ZCCHC14: variants seen among roughly 807,000 people sequenced by gnomAD.
The protein encoded by ZCCHC14 is zinc finger CCHC domain-containing protein 14.
Under a neutral mutation model 85.0 loss-of-function variants are expected in ZCCHC14, and 16 were observed. That is an observed-to-expected ratio of 0.19 (90% CI 0.13 to 0.29). ZCCHC14 has a LOEUF of 0.29. Among genes scored for constraint, ZCCHC14 ranks in the 10% least tolerant of loss-of-function variants. ZCCHC14 has a pLI of 1.00. For missense variants in ZCCHC14, 1,303 were observed against 1,443.5 expected (o/e 0.90, Z 1.58); for synonymous variants, 775 against 630.7 (o/e 1.23, Z -3.43).
chr16:87,486,458 C>A (rs1175337341), intron 1 of ZCCHC14, among the ~76,000 whole-genome samples: 1 of 152,184 alleles, frequency 6.6e-6, no homozygotes, highest in African/African-American at 2.4e-5. Flanking sequence ...ACAATGTGGC[C>A]CAGAGGTGTA....
intron 1 of ZCCHC14, among the ~76,000 whole-genome samples, chr16:87,475,425 C>T (rs559651011): frequency 2.4e-4 from 37 of 151,842 alleles, no homozygotes; most frequent in African/African-American, 7.2e-4. Flanking sequence ...TGGTGGTGGG[C>T]GCCTGTAATC....
chr16:87,424,929 A>C (rs542415486), intron 3 of ZCCHC14, among the ~76,000 whole-genome samples: 3 of 152,104 alleles, frequency 2.0e-5, no homozygotes, highest in Non-Finnish European at 4.4e-5. Context: ...CATTATGCAA[A>C]AGAAAACGCT....
At chr16:87,464,718 A>G (rs1567536257) in intron 1 of ZCCHC14, among the ~76,000 whole-genome samples, 1 of 152,186 alleles carries the variant, frequency 6.6e-6, no homozygotes, top group African/African-American at 2.4e-5. Flanking sequence ...CACTTTTTCC[A>G]ACCAAGCCTT....
intron 1 of ZCCHC14, among the ~76,000 whole-genome samples, chr16:87,479,893 A>G (rs1465537029): frequency 6.6e-6 from 1 of 151,914 alleles, no homozygotes; most frequent in African/African-American, 2.4e-5. Flanking sequence ...CGTGTTAGAG[A>G]GTTCTTCCCA....
intron 2 of ZCCHC14, among the ~76,000 whole-genome samples, chr16:87,435,260 A>G (rs1481994825): frequency 6.6e-6 from 1 of 152,184 alleles, no homozygotes; most frequent in African/African-American, 2.4e-5. Context: ...AGTTAAGTTA[A>G]TTAAGAAGGA....
chr16:87,415,901 T>C (rs1333122155), intron 8 of ZCCHC14, among the ~76,000 whole-genome samples: 2 of 152,046 alleles, frequency 1.3e-5, no homozygotes, highest in African/African-American at 4.8e-5. Flanking sequence ...GAGACAAAAA[T>C]CTCGCTCTTA....
chr16:87,482,010 G>T (rs887777385), intron 1 of ZCCHC14, among the ~76,000 whole-genome samples: 11 of 152,260 alleles, frequency 7.2e-5, no homozygotes, highest in Admixed American at 5.9e-4. Context: ...CCCCACACCG[G>T]CCTTCACAAA....
intron 1 of ZCCHC14, among the ~76,000 whole-genome samples, chr16:87,477,242 G>A (rs1197723003): frequency 4.7e-5 from 7 of 148,772 alleles, no homozygotes; most frequent in Non-Finnish European, 7.4e-5. Flanking sequence ...TAAATGAAAA[G>A]AAAAAAAGGA....
At chr16:87,436,682 A>G (rs967335890) in intron 2 of ZCCHC14, among the ~76,000 whole-genome samples, 1 of 152,264 alleles carries the variant, frequency 6.6e-6, no homozygotes, top group Admixed American at 6.5e-5. Flanking sequence ...ACATTTACCT[A>G]TGTAACAACC....
At chr16:87,458,689 G>A (rs1037785262) in intron 2 of ZCCHC14, among the ~76,000 whole-genome samples, 4 of 152,200 alleles carry the variant, frequency 2.6e-5, no homozygotes, top group African/African-American at 9.7e-5. Context: ...GAAGCGCCGT[G>A]CCAGGGACGG....
chr16:87,480,731 C>A (rs189223504), intron 1 of ZCCHC14, among the ~76,000 whole-genome samples: 2 of 152,230 alleles, frequency 1.3e-5, no homozygotes, highest in Admixed American at 1.3e-4. Flanking sequence ...TCAGTCTCTG[C>A]CAAAGTCAAA....
In ZCCHC14 at chr16:87,444,074, G is replaced by C. The variant is rs1910318789; in HGVS notation, c.695-10873C>G. 2.0e-5 allele frequency among the ~76,000 whole-genome samples: 3 copies of C among 149,828 alleles called. No individual in the cohort carries two copies. The South Asian group carries it at 6.4e-4, about 32-fold the overall frequency. ...AAAAAAAAAAAGAAAGAAAGAAAAG[G>C]AAAAACACAGAAACGGCCCTGTGGA... On this transcript the variant is annotated intron_variant, in intron 2 of 12. Transcript: ENST00000671377.
intron 7 of ZCCHC14, among the ~76,000 whole-genome samples, chr16:87,418,559 G>A (rs1259925038): frequency 6.6e-6 from 1 of 152,218 alleles, no homozygotes; most frequent in Non-Finnish European, 1.5e-5. Flanking sequence ...ATGCTTCTGG[G>A]AGCAGGTTTC....
At chr16:87,418,051 T>C (rs963362650) in intron 7 of ZCCHC14, 1 of 392,876 alleles carries the variant, frequency 2.5e-6, no homozygotes, top group African/African-American at 2.0e-5. Flanking sequence ...TACGTATGTG[T>C]ATTATGTATG....
chr16:87,413,568 C>T (rs1422549373), intron 10 of ZCCHC14, among the ~76,000 whole-genome samples: 1 of 151,988 alleles, frequency 6.6e-6, no homozygotes, highest in African/African-American at 2.4e-5. Context: ...ATCCATCCTG[C>T]CAGGTTTTTT....
chr16:87,477,626 C>T (rs1476280831), intron 1 of ZCCHC14, among the ~76,000 whole-genome samples: 2 of 152,218 alleles, frequency 1.3e-5, no homozygotes, highest in Non-Finnish European at 1.5e-5. Flanking sequence ...TTATACTTAA[C>T]CCCTCTGTGT....
chr16:87,456,428 G>C (rs1235595928), intron 2 of ZCCHC14, among the ~76,000 whole-genome samples: 2 of 150,552 alleles, frequency 1.3e-5, no homozygotes, highest in Non-Finnish European at 1.5e-5. Flanking sequence ...AGCTACTCCG[G>C]AGGCTGAGGC....
At position 87,491,262 on chromosome 16, in the gene ZCCHC14, C is replaced by A. The variant is rs1490947878; in HGVS notation, c.570+407G>T. Among the ~76,000 whole-genome samples, 1 of 152,196 alleles carries A rather than the reference C, an allele frequency of 6.6e-6. No homozygotes were observed. Among genetic ancestry groups the A allele is most frequent in the African/African-American group, 2.4e-5 (1 of 41,450 alleles). On this transcript the variant is annotated intron_variant, in intron 1 of 12. Transcript: ENST00000671377. The surrounding 1 kb of genome is among the most constrained non-coding windows in gnomAD (Gnocchi z 5.9). ...TGCAGCCGCTCCTGCCCAAGGGGCG[C>A]GAGGCGGAGGTGTGGAGGCTTTGGG...
At chr16:87,414,253 G>A (rs879803228) in intron 10 of ZCCHC14, among the ~76,000 whole-genome samples, 161 bp downstream of exon 10, 3 of 151,344 alleles carry the variant, frequency 2.0e-5, no homozygotes, top group Non-Finnish European at 4.4e-5. Context: ...CCCTCTCTGT[G>A]TACGAGTAAC....
Sources: allele counts gnomAD v4.1 joint callset (sites outside exome capture counted in the v4.1 genomes callset), GRCh38; gene constraint gnomAD v4.1.1; non-coding constraint Gnocchi (gnomAD v3.1); transcripts MANE v1.5; gene names NCBI Gene and HGNC (gene_info 2026-07-23, HGNC 2026-07-21).